Variants in TXNDC12 observed in about 807,000 individuals in gnomAD.
TXNDC12 encodes the protein thioredoxin domain-containing protein 12.
A neutral mutation model predicts 24.2 loss-of-function variants in TXNDC12; 22 were observed. That is an observed-to-expected ratio of 0.91 (90% CI 0.65 to 1.30). The LOEUF (loss-of-function observed/expected upper bound fraction) is 1.30. Among genes scored for constraint, TXNDC12 ranks in the 50% most tolerant of loss-of-function variants. The pLI is 0.00. For synonymous variants in TXNDC12, 58 were observed against 73.4 expected, an observed-to-expected ratio of 0.79 and a Z score of 1.07; for missense variants, 184 against 205.8, an observed-to-expected ratio of 0.89 and a Z score of 0.65.
In TXNDC12 at chr1:52,052,869, T is replaced by C. The variant is rs112619551; in HGVS notation, c.97+2131A>G. 7.0e-3 allele frequency among the ~76,000 whole-genome samples: 1,063 copies of C among 152,246 alleles called. 13 individuals are homozygous for C. The highest frequency in any genetic ancestry group is 0.024 in the African/African-American group (1,013 of 41,534). On this transcript the variant is annotated intron_variant, in intron 1 of 6. Transcript: ENST00000371626. ...TGTCTGAGGTAGTTATGATGCCCAT[T>C]TTGCAGATGAGGAACGGAGGCTTTG...
chr1:52,045,041 G>C (rs1486079238), intron 1 of TXNDC12, among the ~76,000 whole-genome samples: 1 of 151,846 alleles, frequency 6.6e-6, no homozygotes, highest in African/African-American at 2.4e-5. Context: ...TAAAAATACA[G>C]TTTTGTTGAA....
chr1:52,028,062 T>A (rs529400528), intron 3 of TXNDC12, among the ~76,000 whole-genome samples: 2 of 152,014 alleles, frequency 1.3e-5, no homozygotes, highest in Non-Finnish European at 2.9e-5. Flanking sequence ...TGGCCTCAAG[T>A]GATCTGCCCG....
At chr1:52,025,210 C>T (rs1023941386) in intron 4 of TXNDC12, among the ~76,000 whole-genome samples, 2 of 151,820 alleles carry the variant, frequency 1.3e-5, no homozygotes, top group South Asian at 4.1e-4. Flanking sequence ...AAAACCTACA[C>T]AATCAGTTTT....
At position 52,020,970 on chromosome 1, in the gene TXNDC12, T is replaced by G. The variant is rs994132935; in HGVS notation, c.482A>C (p.Asp161Ala). The G allele has an allele frequency of 6.2e-7, 1 of 1,614,068 alleles. No homozygotes were observed. Among genetic ancestry groups the G allele is most frequent in the African/African-American group, 1.3e-5 (1 of 74,944 alleles). Residue 161 changes from aspartate (D) to alanine (A), a missense_variant, in exon 7 of 7, where the codon GAT becomes GCT. Physicochemically the swap from Asp to Ala is moderately radical, Grantham distance 126. Coordinates refer to ENST00000371626, the MANE Select transcript of TXNDC12 (RefSeq NM_015913.4). The part of the protein sequence containing the change: ...MKEAQERLTG[D>A]AFRKKHLEDE... ...TTCAAGATGTTTCTTTCTGAAGGCATCACCCGTCAGCCTTTCCTGAGCTTC... is the reference window on the plus strand; with the variant it reads ...TTCAAGATGTTTCTTTCTGAAGGCAGCACCCGTCAGCCTTTCCTGAGCTTC...
chr1:52,040,160 C>T (rs562428447), intron 2 of TXNDC12, among the ~76,000 whole-genome samples: 1 of 151,828 alleles, frequency 6.6e-6, no homozygotes, highest in Non-Finnish European at 1.5e-5. Context: ...CTTGAACTCC[C>T]GACCTCAGGT....
At chr1:52,036,820 G>A (rs1316945452) in intron 2 of TXNDC12, among the ~76,000 whole-genome samples, 3 of 152,140 alleles carry the variant, frequency 2.0e-5, no homozygotes, top group Non-Finnish European at 4.4e-5. Context: ...CTGGTTTGGT[G>A]TCTATTAGCT....
At chr1:52,045,352 GT>G (rs1194363749) in intron 1 of TXNDC12, among the ~76,000 whole-genome samples, 1 of 152,070 alleles carries the variant, frequency 6.6e-6, no homozygotes, top group Non-Finnish European at 1.5e-5. Flanking sequence ...CCTCAATTGT[GT>G]CCCCCACCCC....
intron 5 of TXNDC12, 45 bp from the exon 6 acceptor site, chr1:52,023,619 G>C (rs1685632640): frequency 1.4e-6 from 2 of 1,470,268 alleles, no homozygotes; most frequent in Non-Finnish European, 1.9e-6. Context: ...AATTACAACA[G>C]ACAGGTACTT....
chr1:52,028,185 A>C (rs969062612), intron 3 of TXNDC12, among the ~76,000 whole-genome samples: 3 of 152,046 alleles, frequency 2.0e-5, no homozygotes, highest in Non-Finnish European at 2.9e-5. Flanking sequence ...ATACTAAATA[A>C]AAGAAAAAGC....
At chr1:52,031,160 CTTTT>C (rs10712931) in intron 2 of TXNDC12, among the ~76,000 whole-genome samples, 4 of 138,674 alleles carry the variant, frequency 2.9e-5, no homozygotes, top group South Asian at 2.3e-4. Context: ...TTCATCCTAT[CTTTT>C]TTTTTTTTTT....
In TXNDC12 at chr1:52,027,271, T is replaced by C. The variant is rs751735657; in HGVS notation, c.285+4A>G. ...GCAGAAAGGAGAAACTCTCAAAGTCTTACCTCAAGATTTACCATAACAAAA... is the reference window on the plus strand; with the variant it reads ...GCAGAAAGGAGAAACTCTCAAAGTCCTACCTCAAGATTTACCATAACAAAA... On this transcript the variant is annotated splice_donor_region_variant and intron_variant, in intron 4 of 6. Coordinates refer to ENST00000371626, the MANE Select transcript of TXNDC12 (RefSeq NM_015913.4). 7 of 1,604,674 alleles carry C rather than the reference T, an allele frequency of 4.4e-6. No individual in the cohort carries two copies. The highest frequency in any genetic ancestry group is 1.1e-5 in the South Asian group (1 of 90,634).
At chr1:52,047,045 A>C (rs1365847837) in intron 1 of TXNDC12, among the ~76,000 whole-genome samples, 1 of 151,954 alleles carries the variant, frequency 6.6e-6, no homozygotes, top group Non-Finnish European at 1.5e-5. Flanking sequence ...TCTGTCTCTA[A>C]AAGAAAAGAA....
chr1:52,050,388 CAAAGT>C (rs1686178860), intron 1 of TXNDC12, among the ~76,000 whole-genome samples: 1 of 152,158 alleles, frequency 6.6e-6, no homozygotes, highest in African/African-American at 2.4e-5. Flanking sequence ...CAGTTATCTG[CAAAGT>C]AAAGTCTCCC....
chr1:52,029,750 T>C (rs549525423), intron 2 of TXNDC12, among the ~76,000 whole-genome samples: 7 of 152,314 alleles, frequency 4.6e-5, no homozygotes, highest in Non-Finnish European at 7.3e-5. Context: ...CTACTGTAAA[T>C]ATACATAAAT....
At chr1:52,047,940 C>G (rs1686127993) in intron 1 of TXNDC12, among the ~76,000 whole-genome samples, 1 of 151,892 alleles carries the variant, frequency 6.6e-6, no homozygotes, top group East Asian at 1.9e-4. Flanking sequence ...AGAATGCCAA[C>G]TTCCAAACTA....
At chr1:52,029,943 T>C (rs964894) in intron 2 of TXNDC12, among the ~76,000 whole-genome samples, 8,312 of 152,308 alleles carry the variant, frequency 0.055, 284 homozygotes, top group East Asian at 0.13. Flanking sequence ...ACGTTTATTA[T>C]ATGACATTGT....
intron 1 of TXNDC12, among the ~76,000 whole-genome samples, chr1:52,048,199 T>C (rs1686132136): frequency 6.6e-6 from 1 of 152,056 alleles, no homozygotes; most frequent in African/African-American, 2.4e-5. Flanking sequence ...TTGTGGTGGC[T>C]CACACCTATA....
At chr1:52,033,705 T>C (rs1202443849) in intron 2 of TXNDC12, 2 of 1,610,942 alleles carry the variant, frequency 1.2e-6, no homozygotes, top group Non-Finnish European at 1.7e-6. Context: ...CGCGCAACTC[T>C]TCAGCACGCC....
Position 52,054,990 on chromosome 1 carries a change from G to T in TXNDC12, c.97+10C>A. 6.3e-7 allele frequency: 1 copy of T among 1,599,958 alleles called. No homozygotes were observed. The highest frequency in any genetic ancestry group is 1.7e-5 in the Admixed American group (1 of 59,986). ...AGATCAGTAAAGAGAAGATAAGAACGCGGTCTGACCCTTTCCAAGCCCATT... is the reference window on the plus strand; with the variant it reads ...AGATCAGTAAAGAGAAGATAAGAACTCGGTCTGACCCTTTCCAAGCCCATT... On this transcript the variant is annotated intron_variant, in intron 1 of 6. Coordinates refer to ENST00000371626, the MANE Select transcript of TXNDC12 (RefSeq NM_015913.4).
Sources: gnomAD v4.1 joint callset for allele counts (sites outside exome capture counted in the v4.1 genomes callset) on GRCh38, gnomAD v4.1.1 for gene constraint, MANE v1.5 for transcripts, NCBI Gene and HGNC (gene_info 2026-07-23, HGNC 2026-07-21) for gene names.